The following FOLH1 variants were observed in gnomAD, a reference collection of about 807,000 sequenced individuals.
FOLH1 encodes the protein glutamate carboxypeptidase 2.
FOLH1 carries 54 observed loss-of-function variants against 93.9 expected under a neutral mutation model. That is an observed-to-expected ratio of 0.57 (90% CI 0.46 to 0.72). The LOEUF is 0.72. FOLH1 is among the 30% of genes least tolerant of loss of function. The pLI is 0.00. For missense variants in FOLH1, 571 were observed against 892.5 expected (o/e 0.64, Z 4.59); for synonymous variants, 249 against 303.6 (o/e 0.82, Z 1.87).
intron 13 of FOLH1, chr11:49,162,864 C>A (rs1003365232): frequency 6.6e-6 from 1 of 151,310 alleles, no homozygotes; most frequent in African/African-American, 2.4e-5. Context: ...CGACTCCAAT[C>A]GCTAGTTGCC....
chr11:49,165,052 G>T (rs1420257659), intron 12 of FOLH1, among the ~76,000 whole-genome samples: 1 of 152,036 alleles, frequency 6.6e-6, no homozygotes, highest in African/African-American at 2.4e-5. Context: ...TTCCAGCCTG[G>T]AACAGTATTC....
chr11:49,149,868 T>C (rs1194263089), intron 17 of FOLH1, among the ~76,000 whole-genome samples: 2 of 152,198 alleles, frequency 1.3e-5, no homozygotes, highest in African/African-American at 4.8e-5. Flanking sequence ...AAGATTTAAT[T>C]TGGCAAAATA....
chr11:49,206,151 T>C lies in FOLH1; in HGVS notation c.140A>G (p.Asn47Ser), dbSNP rs1392137739. The C allele has an allele frequency of 5.6e-6, 9 of 1,612,248 alleles. No individual in the cohort carries two copies. Among genetic ancestry groups the C allele is most frequent in the East Asian group, 2.2e-5 (1 of 44,708 alleles). Residue 47 changes from asparagine (N) to serine (S), a missense_variant, in exon 2 of 19, where the codon AAT (asparagine) becomes AGT (serine). Asn to Ser is a conservative substitution (Grantham distance 46). This residue lies in a region of FOLH1 where 71 missense variants were observed against 69.6 expected (regional missense o/e 1.02). Transcript: ENST00000256999. ...FLFGWFIKSS[N>S]EATNITPKHN... ...CTTTGGAGTAATGTTAGTAGCTTCA[T>C]TGGAGGATTTTATAAACCACCCTGA... is the stretch of plus-strand genomic sequence containing the variant.
intron 18 of FOLH1, among the ~76,000 whole-genome samples, chr11:49,147,356 T>C (rs1472622139): frequency 6.6e-6 from 1 of 152,176 alleles, no homozygotes; most frequent in Admixed American, 6.6e-5. Context: ...AAGTAACTGC[T>C]GATTTTTTAA....
At chr11:49,206,794 A>T in intron 1 of FOLH1, 1 of 1,535,966 alleles carries the variant, frequency 6.5e-7, no homozygotes, top group Non-Finnish European at 8.7e-7. Flanking sequence ...TCTCTGCCAG[A>T]CACCCAGTGC....
chr11:49,202,411 T>C (rs991163015), intron 2 of FOLH1, among the ~76,000 whole-genome samples: 2 of 152,022 alleles, frequency 1.3e-5, no homozygotes, highest in African/African-American at 2.4e-5. Context: ...TATCTCTTTT[T>C]TTTTTGTAAG....
chr11:49,165,984 T>C (rs1260236979), intron 12 of FOLH1, among the ~76,000 whole-genome samples: 1 of 152,162 alleles, frequency 6.6e-6, no homozygotes, highest in Non-Finnish European at 1.5e-5. Context: ...TACTTGTAGC[T>C]CTCTACCCTC....
Position 49,201,962 on chromosome 11 carries a change from T to G in FOLH1, c.225-1521A>C, listed in dbSNP as rs576465529. 2.0e-5 allele frequency among the ~76,000 whole-genome samples: 3 copies of G among 152,348 alleles called. No homozygotes were observed. In the South Asian group the frequency reaches 6.2e-4, roughly 32 times the overall value. On this transcript the variant is annotated intron_variant, in intron 2 of 18. Transcript: ENST00000256999. The stretch of plus-strand genomic sequence containing the variant: ...ACTAGGAAACAACATTTTGCTATTA[T>G]CAGGGTTGGGACTCACTCATTTGAA...
chr11:49,208,229 A>T, intron 1 of FOLH1, 63 bp downstream of exon 1: 1 of 1,204,558 alleles, frequency 8.3e-7, no homozygotes, highest in Non-Finnish European at 1.2e-6. Context: ...CTGACCCGCG[A>T]GTCCCAGCAC....
chr11:49,156,640 C>T, intron 15 of FOLH1, 77 bp downstream of exon 15: 3 of 1,538,034 alleles, frequency 2.0e-6, no homozygotes, highest in Non-Finnish European at 2.7e-6. Context: ...ATGCTTGAGT[C>T]ACTTTTTGGA....
intron 2 of FOLH1, among the ~76,000 whole-genome samples, chr11:49,205,244 G>A (rs1863771996): frequency 1.3e-5 from 2 of 151,926 alleles, no homozygotes; most frequent in East Asian, 1.9e-4. Context: ...AAAAAAACAA[G>A]TATTCTAATC....
chr11:49,174,831 G>A, intron 9 of FOLH1, 61 bp downstream of exon 9: 8 of 1,348,102 alleles, frequency 5.9e-6, no homozygotes, highest in Non-Finnish European at 8.3e-6. Context: ...CCCAGAGCTT[G>A]GTAGTATCCA....
At chr11:49,154,042 G>T (rs970367885) in intron 16 of FOLH1, 115 bp from the exon 17 acceptor site, 5 of 1,312,648 alleles carry the variant, frequency 3.8e-6, no homozygotes, top group Non-Finnish European at 5.2e-6. Flanking sequence ...GTTTTACAAG[G>T]TATTTATATT....
In FOLH1 at chr11:49,206,184, A is replaced by G; in HGVS notation, c.119-12T>C. On this transcript the variant is annotated splice_polypyrimidine_tract_variant and intron_variant, in intron 1 of 18. Transcript: ENST00000256999. The stretch of plus-strand genomic sequence containing the variant: ...TTTTATAAACCACCCTGAAAAATAC[A>G]TCCAAAAATAGGCATGAGATACGAG... 1 of 1,610,934 alleles carries G rather than the reference A, an allele frequency of 6.2e-7. No individual in the cohort carries two copies. The highest frequency in any genetic ancestry group is 8.5e-7 in the Non-Finnish European group (1 of 1,178,484).
At chr11:49,184,826 ATTCAAAATAAATTAGCTCC>A in intron 6 of FOLH1, among the ~76,000 whole-genome samples, 1 of 152,238 alleles carries the variant, frequency 6.6e-6, no homozygotes, top group East Asian at 1.9e-4. Context: ...AGTTGAGCAC[ATTCAAAATAAATTAGCTCC>A]CTTTGTTAAT....
At chr11:49,197,320 G>A (rs1464293540) in intron 3 of FOLH1, among the ~76,000 whole-genome samples, 1 of 152,092 alleles carries the variant, frequency 6.6e-6, no homozygotes, top group East Asian at 1.9e-4. Context: ...TTAATGTCAA[G>A]GAAATGCCTT....
chr11:49,166,996 CA>C (rs1007861853), intron 12 of FOLH1, among the ~76,000 whole-genome samples: 1 of 150,942 alleles, frequency 6.6e-6, no homozygotes, highest in Admixed American at 6.6e-5. Flanking sequence ...CTATCCTGGA[CA>C]ATACTACAAG....
At chr11:49,198,644 T>C (rs1425273021) in intron 3 of FOLH1, among the ~76,000 whole-genome samples, 1 of 152,308 alleles carries the variant, frequency 6.6e-6, no homozygotes, top group African/African-American at 2.4e-5. Flanking sequence ...TCTGAACATG[T>C]TTTAAAGACC....
chr11:49,185,894 G>T (rs1322782049), intron 5 of FOLH1, 39 bp from the exon 6 acceptor site: 20 of 1,499,512 alleles, frequency 1.3e-5, no homozygotes, highest in Non-Finnish European at 1.6e-5. Context: ...ATTTTAAATT[G>T]GTTGTTCCAG....
Sources: allele counts gnomAD v4.1 joint callset (sites outside exome capture counted in the v4.1 genomes callset), GRCh38; gene constraint gnomAD v4.1.1; regional missense constraint gnomAD v4.1.1; transcripts MANE v1.5; gene names NCBI Gene and HGNC (gene_info 2026-07-23, HGNC 2026-07-21).